Variants in LMO7 observed in about 807,000 individuals in gnomAD.
LMO7 encodes LIM domain only protein 7.
A neutral mutation model predicts 206.5 loss-of-function variants in LMO7; 120 were observed. The observed-to-expected ratio is 0.58, with a 90% CI of 0.50 to 0.68. The LOEUF is 0.68. Ranked by LOEUF, LMO7 falls within the 30% of genes least tolerant of loss-of-function variation. The probability of loss-of-function intolerance (pLI) is 0.00; values close to 1 mark genes in which losing one functional copy is unlikely to be tolerated. For synonymous variants in LMO7, 706 were observed against 681.5 expected (o/e 1.04, Z -0.56); for missense variants, 1,959 against 1,957.9 (o/e 1.00, Z -0.01).
intron 4 of LMO7, among the ~76,000 whole-genome samples, chr13:75,792,417 T>G (rs2053437675): frequency 6.6e-6 from 1 of 152,178 alleles, no homozygotes; most frequent in Non-Finnish European, 1.5e-5. Context: ...CAGATCTGAC[T>G]CCAAAGCGCA....
chr13:75,740,468 G>A (rs575974071), intron 3 of LMO7, among the ~76,000 whole-genome samples: 8 of 152,230 alleles, frequency 5.3e-5, no homozygotes, highest in Non-Finnish European at 1.2e-4. Context: ...AATAAATAAC[G>A]TAAATTAAAG....
At chr13:75,770,309 A>T (rs1445207574) in intron 4 of LMO7, among the ~76,000 whole-genome samples, 1 of 152,032 alleles carries the variant, frequency 6.6e-6, no homozygotes, top group Non-Finnish European at 1.5e-5. Flanking sequence ...AGAGAGAAGC[A>T]GCCCAATGTT....
intron 1 of LMO7, among the ~76,000 whole-genome samples, chr13:75,695,213 G>T (rs542400471): frequency 6.6e-6 from 1 of 152,272 alleles, no homozygotes; most frequent in East Asian, 1.9e-4. Context: ...TGAGCTTCTT[G>T]GTTGTACCTT....
upstream of LMO7, among the ~76,000 whole-genome samples, chr13:75,634,515 C>A (rs1425625638): frequency 1.3e-5 from 2 of 151,920 alleles, no homozygotes; most frequent in African/African-American, 4.8e-5. Flanking sequence ...ACGAGGCAGG[C>A]GGATCACGAG....
At chr13:75,832,393 G>T (rs983044648) in intron 15 of LMO7, among the ~76,000 whole-genome samples, 1 of 152,190 alleles carries the variant, frequency 6.6e-6, no homozygotes, top group African/African-American at 2.4e-5. Context: ...AGGTCAGGAT[G>T]TGTCAATAGG....
intron 5 of LMO7, 138 bp from the exon 6 acceptor site, chr13:75,796,498 T>C (rs554039350): frequency 1.5e-5 from 9 of 594,384 alleles, no homozygotes; most frequent in Middle Eastern, 3.3e-4. Flanking sequence ...ACCTTTCCCA[T>C]AAACTTAAAA....
intron 6 of LMO7, among the ~76,000 whole-genome samples, chr13:75,800,477 C>G (rs1007594563): frequency 1.3e-5 from 2 of 151,806 alleles, no homozygotes; most frequent in Non-Finnish European, 2.9e-5. Flanking sequence ...ATTGAATACC[C>G]CCTTATTGTA....
intron 1 of LMO7, among the ~76,000 whole-genome samples, chr13:75,704,566 T>G (rs537831238): frequency 6.6e-6 from 1 of 152,224 alleles, no homozygotes; most frequent in Non-Finnish European, 1.5e-5. Flanking sequence ...ACAAATATGG[T>G]GGAGAGTGCT....
chr13:75,649,781 T>C (rs1344587983), intron 1 of LMO7, among the ~76,000 whole-genome samples: 1 of 152,216 alleles, frequency 6.6e-6, no homozygotes, highest in Non-Finnish European at 1.5e-5. Flanking sequence ...AATTATATTC[T>C]GAGACAACCA....
At chr13:75,648,099 C>T (rs1241752479) in intron 1 of LMO7, among the ~76,000 whole-genome samples, 3 of 151,670 alleles carry the variant, frequency 2.0e-5, no homozygotes, top group East Asian at 1.9e-4. Context: ...CGGTGCACCA[C>T]CACACTTTGT....
intron 16 of LMO7, among the ~76,000 whole-genome samples, chr13:75,833,540 T>C (rs1305661745): frequency 2.0e-5 from 3 of 152,090 alleles, no homozygotes; most frequent in Non-Finnish European, 4.4e-5. Context: ...AGTTGATTTT[T>C]TTTGAGTGTT....
intron 2 of LMO7, among the ~76,000 whole-genome samples, chr13:75,723,619 T>A (rs979476698): frequency 6.6e-6 from 1 of 152,200 alleles, no homozygotes; most frequent in African/African-American, 2.4e-5. Context: ...TATATTGAGC[T>A]TTATATACAG....
chr13:75,646,133 T>C (rs1009344077), intron 1 of LMO7, among the ~76,000 whole-genome samples: 3 of 152,210 alleles, frequency 2.0e-5, no homozygotes, highest in African/African-American at 7.2e-5. Context: ...GCAAATGGCA[T>C]CATTGTTCAG....
chr13:75,788,045 T>C (rs1412067101), intron 4 of LMO7, among the ~76,000 whole-genome samples: 3 of 152,196 alleles, frequency 2.0e-5, no homozygotes, highest in Non-Finnish European at 4.4e-5. Context: ...AAGAAGCCAG[T>C]ACCTGATATA....
At chr13:75,700,571 G>T (rs542781806) in intron 1 of LMO7, among the ~76,000 whole-genome samples, 52 of 152,298 alleles carry the variant, frequency 3.4e-4, no homozygotes, top group African/African-American at 1.2e-3. Flanking sequence ...CACTTAAAGG[G>T]AGTACTTGAT....
At chr13:75,787,728 A>G (rs1185916721) in intron 4 of LMO7, among the ~76,000 whole-genome samples, 1 of 152,154 alleles carries the variant, frequency 6.6e-6, no homozygotes, top group African/African-American at 2.4e-5. Context: ...GCAGATTAAA[A>G]CCAATGAGTC....
chr13:75,675,053 CA>C (rs1464593251), intron 1 of LMO7, among the ~76,000 whole-genome samples: 1 of 151,620 alleles, frequency 6.6e-6, no homozygotes. Flanking sequence ...AGAAGAATGT[CA>C]CAATATATTT....
chr13:75,771,888 G>GA (rs1031617956), intron 4 of LMO7, among the ~76,000 whole-genome samples: 58 of 119,336 alleles, frequency 4.9e-4, no homozygotes, highest in Middle Eastern at 4.6e-3. Flanking sequence ...GATTAAAGAA[G>GA]AAAAATTACT....
chr13:75,640,481 T>C (rs894609160), intron 1 of LMO7, among the ~76,000 whole-genome samples: 1 of 152,220 alleles, frequency 6.6e-6, no homozygotes, highest in Non-Finnish European at 1.5e-5. Flanking sequence ...CATTCTTCCA[T>C]ACTTGAGCTA....
Sources: gnomAD v4.1 joint callset for allele counts (sites outside exome capture counted in the v4.1 genomes callset) on GRCh38, gnomAD v4.1.1 for gene constraint, MANE v1.5 for transcripts, NCBI Gene and HGNC (gene_info 2026-07-23, HGNC 2026-07-21) for gene names.